The following SLC17A1 variants were observed in gnomAD, a reference collection of about 807,000 sequenced individuals.
SLC17A1 encodes the protein solute carrier family 17 member 1.
SLC17A1 carries 51 observed loss-of-function variants against 53.5 expected under a neutral mutation model. The observed-to-expected ratio is 0.95, with a 90% CI of 0.76 to 1.20. SLC17A1 has a LOEUF of 1.20. Among genes scored for constraint, SLC17A1 ranks in the 50% most tolerant of loss-of-function variants. The pLI, the probability that SLC17A1 is intolerant of heterozygous loss-of-function variation, is 0.00. For synonymous variants in SLC17A1, 179 were observed against 198.8 expected (o/e 0.90, Z 0.84); for missense variants, 538 against 568.2 (o/e 0.95, Z 0.54).
chr6:25,761,344 G>A, the SLC17A1 span, among the ~76,000 whole-genome samples: 1 of 152,078 alleles, frequency 6.6e-6, no homozygotes, highest in Non-Finnish European at 1.5e-5. Flanking sequence ...CCTGGCATGG[G>A]CCTAAGGCTT....
the SLC17A1 span, among the ~76,000 whole-genome samples, chr6:25,748,082 T>C: frequency 3.3e-5 from 5 of 152,236 alleles, no homozygotes; most frequent in African/African-American, 9.6e-5. Context: ...TTATTCTTAA[T>C]ACATGGGCCA....
chr6:25,772,792 C>G, the SLC17A1 span, among the ~76,000 whole-genome samples: 1 of 152,166 alleles, frequency 6.6e-6, no homozygotes, highest in Non-Finnish European at 1.5e-5. Context: ...AGGGCATTTT[C>G]AAGCACGTGG....
At chr6:25,735,223 C>T in the SLC17A1 span, among the ~76,000 whole-genome samples, 3,274 of 152,192 alleles carry the variant, frequency 0.022, 73 homozygotes, top group African/African-American at 0.058. Flanking sequence ...CCATAGTAAA[C>T]ATTTGCTAAA....
chr6:25,770,937 G>C, the SLC17A1 span: 2 of 1,613,774 alleles, frequency 1.2e-6, no homozygotes, highest in Non-Finnish European at 1.7e-6. Flanking sequence ...GTCAATGCTG[G>C]GGTCCTTCAT....
At chr6:25,766,031 A>T in the SLC17A1 span, among the ~76,000 whole-genome samples, 2 of 151,720 alleles carry the variant, frequency 1.3e-5, no homozygotes, top group Non-Finnish European at 2.9e-5. Flanking sequence ...TTATAGGGAA[A>T]GTACATAAGT....
At chr6:25,782,021 G>A (rs1452369715), downstream of SLC17A1, among the ~76,000 whole-genome samples, 1 of 152,186 alleles carries the variant, frequency 6.6e-6, no homozygotes, top group Non-Finnish European at 1.5e-5. Flanking sequence ...AAGCACTAAT[G>A]GAAAGTTCCT....
chr6:25,803,334 G>A (rs1165715827), intron 10 of SLC17A1, among the ~76,000 whole-genome samples: 1 of 88,496 alleles, frequency 1.1e-5, no homozygotes, highest in African/African-American at 4.5e-5. Flanking sequence ...TAGTGGGCAA[G>A]CTTCTTTATA....
At chr6:25,745,013 C>G in the SLC17A1 span, among the ~76,000 whole-genome samples, 11 of 151,468 alleles carry the variant, frequency 7.3e-5, no homozygotes, top group Middle Eastern at 6.8e-3. Flanking sequence ...TTTTTTGAAA[C>G]CAGAAATAAA....
the SLC17A1 span, chr6:25,770,390 G>A: frequency 4.3e-6 from 7 of 1,614,020 alleles, no homozygotes; most frequent in Non-Finnish European, 5.9e-6. Context: ...CCAGGTTATG[G>A]TATTAACTGG....
chr6:25,777,071 G>A, the SLC17A1 span: 44,364 of 1,152,834 alleles, frequency 0.038, 1,954 homozygotes, highest in African/African-American at 0.2. Context: ...TGCAGGAAAT[G>A]TCAGCACCAG....
chr6:25,766,135 T>C, the SLC17A1 span, among the ~76,000 whole-genome samples: 1 of 150,424 alleles, frequency 6.6e-6, no homozygotes, highest in African/African-American at 2.4e-5. Context: ...AAAATATAAT[T>C]GAATTATAAT....
chr6:25,762,032 C>T, the SLC17A1 span: 1 of 1,613,038 alleles, frequency 6.2e-7, no homozygotes, highest in African/African-American at 1.3e-5. Flanking sequence ...AAACGTGGCT[C>T]AAGAGGAATG....
chr6:25,819,759 T>C lies in SLC17A1; in HGVS notation c.364A>G (p.Ser122Gly). ...CCAGCTGCTGGTGGGATGAGCAGGC[T>C]TAACACAGAGCTGAGGCATAATGCA... The part of the protein sequence containing the change: ...GFALCLSSVL[S>G]LLIPPAAGIG... Residue 122 changes from serine to glycine, a missense_variant, in exon 4 of 13, where the codon AGC becomes GGC. Ser to Gly is a moderately conservative substitution (Grantham distance 56). Transcript: ENST00000244527. The C allele has an allele frequency of 1.2e-6, 2 of 1,614,174 alleles. No individual in the cohort carries two copies. Among genetic ancestry groups the C allele is most frequent in the South Asian group, 2.2e-5 (2 of 91,082 alleles).
the SLC17A1 span, chr6:25,776,765 G>T: frequency 6.2e-7 from 1 of 1,613,938 alleles, no homozygotes; most frequent in Non-Finnish European, 8.5e-7. Flanking sequence ...AACGTGGGAA[G>T]CTCAGAGCAG....
intron 6 of SLC17A1, among the ~76,000 whole-genome samples, chr6:25,816,848 A>AT (rs5875070): frequency 0.018 from 2,501 of 142,178 alleles, 38 homozygotes; most frequent in East Asian, 0.071. Flanking sequence ...TGGCCAGGCC[A>AT]TTTTTTTTTT....
the SLC17A1 span, among the ~76,000 whole-genome samples, chr6:25,728,672 GGCGT>G: frequency 6.6e-6 from 1 of 152,180 alleles, no homozygotes; most frequent in East Asian, 1.9e-4. Flanking sequence ...AAATTAGCTG[GGCGT>G]GGTGGCACGT....
At chr6:25,744,338 A>G in the SLC17A1 span, among the ~76,000 whole-genome samples, 1 of 152,166 alleles carries the variant, frequency 6.6e-6, no homozygotes, top group South Asian at 2.1e-4. Flanking sequence ...GAGGAAACAC[A>G]CCTGTCCAGT....
chr6:25,763,184 C>T, the SLC17A1 span, among the ~76,000 whole-genome samples: 2 of 152,196 alleles, frequency 1.3e-5, no homozygotes, highest in Non-Finnish European at 2.9e-5. Context: ...CCTACAACAT[C>T]TGGCCTACCA....
the SLC17A1 span, chr6:25,727,307 C>T: frequency 1.3e-6 from 2 of 1,566,952 alleles, no homozygotes; most frequent in Non-Finnish European, 1.7e-6. Flanking sequence ...GCTAAGTAAA[C>T]GTCATTTCTA....
Sources: allele counts gnomAD v4.1 joint callset (sites outside exome capture counted in the v4.1 genomes callset), GRCh38; gene constraint gnomAD v4.1.1; transcripts MANE v1.5; gene names NCBI Gene and HGNC (gene_info 2026-07-23, HGNC 2026-07-21).